Variants in CSMD1 observed in about 807,000 individuals in gnomAD.
The protein encoded by CSMD1 is CUB and Sushi multiple domains 1.
Under a neutral mutation model 417.5 loss-of-function variants are expected in CSMD1, and 213 were observed. The observed-to-expected ratio is 0.51, with a 90% CI of 0.46 to 0.57. The LOEUF (loss-of-function observed/expected upper bound fraction) is 0.57. CSMD1 is among the 20% of genes least tolerant of loss of function. The pLI is 0.00. For synonymous variants in CSMD1, 2,862 were observed against 1,736.8 expected (o/e 1.65, Z -16.11); for missense variants, 6,923 against 4,529.7 (o/e 1.53, Z -15.17).
chr8:4,432,688 C>T (rs373512913), intron 2 of CSMD1, among the ~76,000 whole-genome samples: 6 of 152,254 alleles, frequency 3.9e-5, no homozygotes, highest in South Asian at 2.1e-4. Context: ...CAAACCCTGG[C>T]GTCTCTCTCC....
chr8:3,845,512 G>T lies in CSMD1; in HGVS notation c.819-91470C>A, dbSNP rs537717284. Among the ~76,000 whole-genome samples, 316 of 152,306 alleles carry T rather than the reference G, an allele frequency of 2.1e-3. 1 individual carries two copies. The highest frequency in any genetic ancestry group is 6.0e-3 in the African/African-American group (250 of 41,570). On this transcript the variant is annotated intron_variant, in intron 5 of 69. Coordinates refer to ENST00000635120, the MANE Select transcript of CSMD1 (RefSeq NM_033225.6). Reference sequence around the variant, plus strand: ...AATGCTACACCTGTACAGGGTACTTGCCATGAATGGAGCTTGCAGGACCAG... The same window carrying T: ...AATGCTACACCTGTACAGGGTACTTTCCATGAATGGAGCTTGCAGGACCAG...
chr8:3,273,962 T>C (rs146793234), intron 26 of CSMD1, among the ~76,000 whole-genome samples: 41,281 of 151,140 alleles, frequency 0.27, 5,823 homozygotes, highest in African/African-American at 0.34. Context: ...TTTCTTGCCT[T>C]CTGCTAGCTT....
intron 49 of CSMD1, among the ~76,000 whole-genome samples, chr8:3,069,150 G>C (rs891454324): frequency 2.0e-5 from 3 of 152,064 alleles, no homozygotes; most frequent in African/African-American, 7.2e-5. Context: ...AGAGAAAGGG[G>C]CTGGGCCGGG....
chr8:3,882,198 A>G (rs991598928), intron 5 of CSMD1, among the ~76,000 whole-genome samples: 4 of 152,266 alleles, frequency 2.6e-5, no homozygotes, highest in African/African-American at 4.8e-5. Flanking sequence ...ATCAACAAGA[A>G]AGAGAGAGAC....
chr8:4,790,213 G>C (rs1797620236), intron 1 of CSMD1, among the ~76,000 whole-genome samples: 2 of 152,002 alleles, frequency 1.3e-5, no homozygotes, highest in African/African-American at 2.4e-5. Flanking sequence ...CCAAATCTGA[G>C]AGCACAACAC....
intron 5 of CSMD1, among the ~76,000 whole-genome samples, chr8:3,901,716 G>A (rs1401124813): frequency 6.6e-6 from 1 of 152,194 alleles, no homozygotes; most frequent in African/African-American, 2.4e-5. Flanking sequence ...GCAAAGAATG[G>A]AACAACTGTC....
At chr8:3,505,818 G>T (rs1011080686) in intron 10 of CSMD1, among the ~76,000 whole-genome samples, 1 of 152,082 alleles carries the variant, frequency 6.6e-6, no homozygotes, top group Admixed American at 6.6e-5. Context: ...AATGTCTCAG[G>T]TATCGTATCA....
At chr8:3,642,414 A>T (rs1425888507) in intron 7 of CSMD1, among the ~76,000 whole-genome samples, 5 of 152,160 alleles carry the variant, frequency 3.3e-5, no homozygotes, top group African/African-American at 1.2e-4. Context: ...TATAACCTAA[A>T]TTTATGATAC....
rs1262054501 is a variant in CSMD1 at position 3,753,967 on chromosome 8, G to T, written c.894C>A (p.Ser298Arg). 6.2e-7 allele frequency: 1 copy of T among 1,612,368 alleles called. No individual in the cohort carries two copies. The highest frequency in any genetic ancestry group is 1.1e-5 in the South Asian group (1 of 91,026). Reference protein sequence around the residue: ...NWLRLHFTSDSNHRRKGFNAQ... With the variant: ...NWLRLHFTSDRNHRRKGFNAQ... ...CGTTAAATCCTTTGCGTCGGTGGTT[G>T]CTGTCAGAGGTGAAATGGAGTCGTA... The change falls in exon 6 of 70, where the codon AGC becomes AGA. Residue 298 changes from serine (S) to arginine (R), a missense_variant. Physicochemically the swap from Ser to Arg is moderately radical, Grantham distance 110 (BLOSUM62 -1). Coordinates refer to ENST00000635120, the MANE Select transcript of CSMD1 (RefSeq NM_033225.6).
At chr8:3,952,717 G>A (rs1811672355) in intron 5 of CSMD1, among the ~76,000 whole-genome samples, 1 of 152,158 alleles carries the variant, frequency 6.6e-6, no homozygotes, top group Non-Finnish European at 1.5e-5. Flanking sequence ...AGATGTCACT[G>A]AATTGGACAT....
In CSMD1 at chr8:4,221,099, G is replaced by C. The variant is rs550198396; in HGVS notation, c.416-189000C>G. On this transcript the variant is annotated intron_variant, in intron 3 of 69. Transcript: ENST00000635120. The stretch of plus-strand genomic sequence containing the variant: ...GGGAAATCACTTCATTTAAACAAGA[G>C]AGGAATACAACGGACAAGACAGAGA... Among the ~76,000 whole-genome samples the C allele has an allele frequency of 2.6e-5, 4 of 152,276 alleles. No individual in the cohort carries two copies. In the South Asian group the frequency reaches 8.3e-4, roughly 32 times the overall value.
At chr8:4,581,063 C>T (rs61378372) in intron 2 of CSMD1, among the ~76,000 whole-genome samples, 3 of 152,130 alleles carry the variant, frequency 2.0e-5, no homozygotes, top group Non-Finnish European at 4.4e-5. Flanking sequence ...GCATATGAAA[C>T]TAGTTTACAT....
At chr8:4,086,226 G>C (rs529299523) in intron 3 of CSMD1, among the ~76,000 whole-genome samples, 1 of 152,026 alleles carries the variant, frequency 6.6e-6, no homozygotes, top group East Asian at 1.9e-4. Flanking sequence ...CACTCTTCTG[G>C]TACATCTTCA....
chr8:3,110,027 T>C (rs1322603954), intron 43 of CSMD1, 131 bp downstream of exon 43: 2 of 747,936 alleles, frequency 2.7e-6, no homozygotes, highest in African/African-American at 1.8e-5. Flanking sequence ...CTGGATTTCG[T>C]TGGTGAATTT....
At position 4,059,244 on chromosome 8, in the gene CSMD1, A is replaced by C. The variant is rs112868842; in HGVS notation, c.416-27145T>G. Among the ~76,000 whole-genome samples, 637 of 152,214 alleles carry C rather than the reference A, an allele frequency of 4.2e-3. 3 individuals are homozygous for C. Among genetic ancestry groups the C allele is most frequent in the African/African-American group, 0.013 (558 of 41,538 alleles). ...AAATAAAGATGTTCTTTGAAACCAA[A>C]GAGAAGAAAGACACAACATACCAGA... On this transcript the variant is annotated intron_variant, in intron 3 of 69. Coordinates refer to ENST00000635120, the MANE Select transcript of CSMD1 (RefSeq NM_033225.6).
chr8:4,639,631 T>A (rs1401533311), intron 1 of CSMD1, among the ~76,000 whole-genome samples: 2 of 152,228 alleles, frequency 1.3e-5, no homozygotes, highest in Non-Finnish European at 2.9e-5. Context: ...GTACTCAGAT[T>A]GTGGCATGTA....
chr8:4,889,283 G>A (rs962960952), intron 1 of CSMD1, among the ~76,000 whole-genome samples: 25 of 152,056 alleles, frequency 1.6e-4, no homozygotes, highest in Non-Finnish European at 2.9e-4. Context: ...AGCCTAAATT[G>A]AATCATGAGG....
intron 5 of CSMD1, among the ~76,000 whole-genome samples, chr8:3,755,279 C>A (rs147759288): frequency 1.3e-5 from 2 of 152,208 alleles, no homozygotes; most frequent in East Asian, 3.9e-4. Context: ...TGTTTATGAA[C>A]CTCTGTTACC....
chr8:2,960,169 T>G (rs1448874862), intron 62 of CSMD1, among the ~76,000 whole-genome samples: 1 of 152,228 alleles, frequency 6.6e-6, no homozygotes, highest in Non-Finnish European at 1.5e-5. Context: ...CAATATTCCT[T>G]GACAATTTGG....
Sources: gnomAD v4.1 joint callset for allele counts (sites outside exome capture counted in the v4.1 genomes callset) on GRCh38, gnomAD v4.1.1 for gene constraint, MANE v1.5 for transcripts, NCBI Gene and HGNC (gene_info 2026-07-23, HGNC 2026-07-21) for gene names.